HELLS: variants seen among roughly 807,000 people sequenced by gnomAD.
HELLS encodes helicase, lymphoid specific.
In HELLS, 32 loss-of-function variants were observed where a neutral mutation model predicts 120.0. The observed-to-expected ratio is 0.27, with a 90% CI of 0.20 to 0.36. The LOEUF (loss-of-function observed/expected upper bound fraction) is 0.36, where lower values mean the gene tolerates loss of function less well. Among genes scored for constraint, HELLS ranks in the 10% least tolerant of loss-of-function variants. The pLI is 1.00. For missense variants in HELLS, 650 were observed against 993.4 expected, an observed-to-expected ratio of 0.65 and a Z score of 4.65; for synonymous variants, 341 against 323.4, an observed-to-expected ratio of 1.05 and a Z score of -0.58.
intron 9 of HELLS, among the ~76,000 whole-genome samples, chr10:94,609,204 G>A (rs1846163461): frequency 6.6e-6 from 1 of 151,758 alleles, no homozygotes; most frequent in African/African-American, 2.4e-5. Flanking sequence ...TGTATTTTTA[G>A]TAGAGATGAG....
chr10:94,552,606 A>G (rs1057251058), intron 2 of HELLS, among the ~76,000 whole-genome samples: 9 of 152,350 alleles, frequency 5.9e-5, no homozygotes, highest in African/African-American at 1.7e-4. Context: ...TCTGTCTTCT[A>G]CCAGTTACAT....
At chr10:94,611,011 T>G (rs982331939) in exon 10 of HELLS, 4 of 152,238 alleles carry the variant, frequency 2.6e-5, no homozygotes, top group African/African-American at 9.6e-5. Context: ...ATAGTTTCAG[T>G]GACATTATGT....
chr10:94,596,797 G>A (rs1845761212), intron 19 of HELLS, 63 bp from the exon 20 acceptor site: 2 of 848,428 alleles, frequency 2.4e-6, no homozygotes, highest in South Asian at 3.1e-5. Flanking sequence ...TGATTGGTTT[G>A]TAATATGTTG....
intron 21 of HELLS, among the ~76,000 whole-genome samples, chr10:94,599,808 A>G (rs2134134348): frequency 6.6e-6 from 1 of 152,346 alleles, no homozygotes; most frequent in East Asian, 1.9e-4. Flanking sequence ...ACATGCCTAC[A>G]ATTAAAGTTT....
chr10:94,594,943 G>A, intron 19 of HELLS, 89 bp downstream of exon 19: 1 of 1,007,698 alleles, frequency 9.9e-7, no homozygotes, highest in Non-Finnish European at 1.4e-6. Flanking sequence ...AAATATTACA[G>A]CCTGGGCCGA....
At chr10:94,560,735 C>T (rs1053153755) in intron 4 of HELLS, among the ~76,000 whole-genome samples, 1 of 151,192 alleles carries the variant, frequency 6.6e-6, no homozygotes, top group African/African-American at 2.4e-5. Context: ...ACTGGTAATA[C>T]TGAGTCACTG....
rs1007748346 is a variant in HELLS at position 94,545,829 on chromosome 10, A to C, written c.-93A>C. 9.2e-6 allele frequency: 13 copies of C among 1,405,536 alleles called. No homozygotes were observed. The highest frequency in any genetic ancestry group is 1.2e-5 in the South Asian group (1 of 81,030). 87.1% of individuals were successfully genotyped at this position (1,405,536 alleles called of 1,614,324 possible). On this transcript the variant is annotated 5_prime_UTR_variant, in exon 1 of 22. Transcript: ENST00000348459. ...TTTTTCCCTGGCGGGGGATTTGGCT[A>C]GAAGGCTGGGCCGGCAGCGGTTGTG...
chr10:94,563,232 A>T (rs1214503230), intron 6 of HELLS, among the ~76,000 whole-genome samples: 6 of 151,922 alleles, frequency 3.9e-5, no homozygotes, highest in Non-Finnish European at 7.4e-5. Flanking sequence ...AGTAGCTGGG[A>T]TAACAGGTGC....
intron 21 of HELLS, among the ~76,000 whole-genome samples, chr10:94,598,560 T>C (rs1845855141): frequency 6.6e-6 from 1 of 152,106 alleles, no homozygotes; most frequent in African/African-American, 2.4e-5. Context: ...ATTTTAAAAT[T>C]CAATTCTGTG....
intron 10 of HELLS, 34 bp downstream of exon 10, chr10:94,576,839 C>T: frequency 6.5e-7 from 1 of 1,533,692 alleles, no homozygotes; most frequent in Non-Finnish European, 8.8e-7. Flanking sequence ...CTTTGTAATA[C>T]ATAAAACATG....
At chr10:94,599,385 G>A (rs1415349147) in intron 21 of HELLS, among the ~76,000 whole-genome samples, 1 of 152,002 alleles carries the variant, frequency 6.6e-6, no homozygotes, top group Non-Finnish European at 1.5e-5. Flanking sequence ...ACAAAGTCTC[G>A]TTCTGTCACC....
chr10:94,573,048 C>T (rs540958158), intron 7 of HELLS, among the ~76,000 whole-genome samples: 1 of 152,130 alleles, frequency 6.6e-6, no homozygotes, highest in South Asian at 2.1e-4. Context: ...TAAACTCTGC[C>T]TCCCAGGTTC....
At chr10:94,592,336 G>A in intron 16 of HELLS, 24 bp downstream of exon 16, 1 of 1,586,600 alleles carries the variant, frequency 6.3e-7, no homozygotes, top group African/African-American at 1.4e-5. Context: ...TTGGAATTTT[G>A]GATTGTTCAA....
chr10:94,593,450 T>G, intron 17 of HELLS, 49 bp from the exon 18 acceptor site: 1 of 1,154,184 alleles, frequency 8.7e-7, no homozygotes, highest in Non-Finnish European at 1.3e-6. Flanking sequence ...TTCAGTCTTG[T>G]TGGTTAATTT....
At chr10:94,584,094 C>G in intron 12 of HELLS, 1 of 1,392,156 alleles carries the variant, frequency 7.2e-7, no homozygotes. Context: ...TATGAAAATA[C>G]TTATTTACTC....
In HELLS at chr10:94,576,707, T is replaced by C. The variant is rs764477991; in HGVS notation, c.934T>C (p.Leu312=). ...TGGAACCCAGGAGGAACGTCAAAAA[T>C]TGGTAAGAAATATTTACAAACGGAA... ...YHGTQEERQK[L]VRNIYKRKGT... Residue 312 remains leucine (L), a synonymous_variant, in exon 10 of 22, where the codon TTG becomes CTG. Coordinates refer to ENST00000348459, the MANE Select transcript of HELLS (RefSeq NM_018063.5). 4 of 1,610,498 alleles carry C rather than the reference T, an allele frequency of 2.5e-6. No individual in the cohort carries two copies. The Admixed American group carries it at 6.7e-5, about 27-fold the overall frequency.
intron 13 of HELLS, among the ~76,000 whole-genome samples, chr10:94,589,408 C>T (rs1845343364): frequency 6.6e-6 from 1 of 152,040 alleles, no homozygotes; most frequent in African/African-American, 2.4e-5. Flanking sequence ...TGTATTTTCC[C>T]GTTAGGGATG....
intron 6 of HELLS, among the ~76,000 whole-genome samples, chr10:94,568,370 T>C (rs1224829886): frequency 5.3e-5 from 8 of 152,198 alleles, no homozygotes; most frequent in African/African-American, 1.9e-4. Flanking sequence ...CTTGCTCTTT[T>C]GTTTTCTCTT....
chr10:94,585,379 GTTTTTGTTTTTT>G (rs1235252088), intron 12 of HELLS, among the ~76,000 whole-genome samples: 15 of 92,100 alleles, frequency 1.6e-4, no homozygotes, highest in African/African-American at 4.2e-4. Context: ...TTTTTTGTTT[GTTTTTGTTTTTT>G]TTTTTGTTTT....
Sources: gnomAD v4.1 joint callset for allele counts (sites outside exome capture counted in the v4.1 genomes callset) on GRCh38, gnomAD v4.1.1 for gene constraint, MANE v1.5 for transcripts, NCBI Gene and HGNC (gene_info 2026-07-23, HGNC 2026-07-21) for gene names.